The following MORF4L1 variants were observed in gnomAD, a reference collection of about 807,000 sequenced individuals.
The protein encoded by MORF4L1 is mortality factor 4 like 1.
A neutral mutation model predicts 52.9 loss-of-function variants in MORF4L1; 4 were observed. The observed-to-expected ratio is 0.08, with a 90% CI of 0.04 to 0.17. MORF4L1 has a LOEUF of 0.17. Among genes scored for constraint, MORF4L1 ranks in the 10% least tolerant of loss-of-function variants. MORF4L1 has a pLI of 1.00. For missense variants in MORF4L1, 214 were observed against 390.4 expected (o/e 0.55, Z 3.81); for synonymous variants, 123 against 134.8 (o/e 0.91, Z 0.61).
intron 9 of MORF4L1, 117 bp downstream of exon 9, chr15:78,893,744 A>G: frequency 1.4e-6 from 1 of 711,716 alleles, no homozygotes; most frequent in Non-Finnish European, 2.3e-6. Context: ...CTAGCAAAAT[A>G]GAATTTCACT....
At position 78,894,883 on chromosome 15, in the gene MORF4L1, A is replaced by T. The variant is rs186560594; in HGVS notation, c.866A>T (p.Asn289Ile). 5.0e-6 allele frequency: 8 copies of T among 1,613,026 alleles called. No homozygotes were observed. The highest frequency in any genetic ancestry group is 6.8e-6 in the Non-Finnish European group (8 of 1,179,134). Residue 289 changes from asparagine to isoleucine, a missense_variant, in exon 11 of 12, where the codon AAT (asparagine) becomes ATT (isoleucine). By Grantham distance (149) the Asn-to-Ile change is moderately radical. This residue lies in a region of MORF4L1 where 68 missense variants were observed against 171.6 expected (regional missense o/e 0.40). Transcript: ENST00000426013. ...GAGAAGAGCCTTGCTTTATTACTCA[A>T]TTATCTTCACGATTTCCTAAAGTAA... ...LDEKSLALLL[N>I]YLHDFLKYLA...
rs1369956206 is a variant in MORF4L1 at position 78,872,920 on chromosome 15, G to T, written c.-98G>T. On this transcript the variant is annotated 5_prime_UTR_variant, in exon 1 of 12. Coordinates refer to ENST00000426013, the MANE Select transcript of MORF4L1 (RefSeq NM_006791.4). ...CGGCCCAGGATGTAGAGCTGGCAGT[G>T]CCTGACGGCGCGTCTGACGCGGAGT... is the stretch of plus-strand genomic sequence containing the variant. The T allele has an allele frequency of 2.7e-6, 4 of 1,506,930 alleles. No individual in the cohort carries two copies. The highest frequency in any genetic ancestry group is 3.5e-6 in the Non-Finnish European group (4 of 1,128,594). The allele number at this position is 1,506,930 out of a possible 1,614,324, so 93.3% of individuals were successfully genotyped here.
At chr15:78,878,897 G>A (rs56272008) in intron 2 of MORF4L1, among the ~76,000 whole-genome samples, 2 of 152,108 alleles carry the variant, frequency 1.3e-5, no homozygotes, top group African/African-American at 2.4e-5. Context: ...AAATGAGCCC[G>A]TAAAATACAA....
At chr15:78,896,308 C>CTTTTTT (rs71148578) in intron 11 of MORF4L1, among the ~76,000 whole-genome samples, 137 of 81,418 alleles carry the variant, frequency 1.7e-3, no homozygotes, top group Non-Finnish European at 2.2e-3. Flanking sequence ...CTTTTCTTTT[C>CTTTTTT]TTTTTTTTTT....
intron 3 of MORF4L1, among the ~76,000 whole-genome samples, chr15:78,881,208 T>TTTTTTG (rs5813941): frequency 6.8e-6 from 1 of 147,470 alleles, no homozygotes; most frequent in Non-Finnish European, 1.5e-5. Flanking sequence ...TTTTTTTTTT[T>TTTTTTG]GAGAGATGGA....
At chr15:78,887,158 A>G (rs2056720598) in intron 4 of MORF4L1, 111 bp from the exon 5 acceptor site, 2 of 879,318 alleles carry the variant, frequency 2.3e-6, no homozygotes, top group Admixed American at 2.6e-5. Flanking sequence ...CCAACTTGTT[A>G]AAAACTTGTT....
chr15:78,890,892 TTAG>T, intron 5 of MORF4L1, 94 bp from the exon 6 acceptor site: 1 of 1,158,312 alleles, frequency 8.6e-7, no homozygotes, highest in Non-Finnish European at 1.1e-6. Flanking sequence ...TTTATCCAAG[TTAG>T]TATTTCTCTG....
chr15:78,886,255 A>T, intron 4 of MORF4L1, 28 bp downstream of exon 4: 1 of 1,541,332 alleles, frequency 6.5e-7, no homozygotes, highest in Non-Finnish European at 9.0e-7. Context: ...ACTGAATATT[A>T]AGGAGAAATG....
intron 3 of MORF4L1, among the ~76,000 whole-genome samples, chr15:78,881,385 C>CG (rs2056601125): frequency 6.6e-6 from 1 of 151,698 alleles, no homozygotes; most frequent in African/African-American, 2.4e-5. Flanking sequence ...TTAGTAGAGA[C>CG]GGAGTTTCAC....
chr15:78,879,966 A>G (rs1324041698), intron 2 of MORF4L1, among the ~76,000 whole-genome samples: 1 of 152,220 alleles, frequency 6.6e-6, no homozygotes, highest in African/African-American at 2.4e-5. Context: ...TTTCTCTTAA[A>G]GACTTTTAAA....
At chr15:78,882,806 T>G (rs564098508) in intron 3 of MORF4L1, among the ~76,000 whole-genome samples, 122 of 100,548 alleles carry the variant, frequency 1.2e-3, no homozygotes, top group African/African-American at 4.6e-3. Flanking sequence ...GCCAGTATGG[T>G]GGTGCCTATA....
intron 2 of MORF4L1, among the ~76,000 whole-genome samples, chr15:78,879,792 TATGTC>T (rs893168623): frequency 2.7e-5 from 4 of 149,740 alleles, no homozygotes; most frequent in Non-Finnish European, 4.4e-5. Flanking sequence ...AAAAAAAAAT[TATGTC>T]CTGTTAATCG....
chr15:78,873,140 G>T (rs1253457818), intron 1 of MORF4L1, 83 bp downstream of exon 1: 5 of 1,544,102 alleles, frequency 3.2e-6, no homozygotes, highest in Non-Finnish European at 4.4e-6. Context: ...TTGAGGGCCG[G>T]GGGCGGCGCG....
chr15:78,891,121 T>C (rs1306673079), intron 6 of MORF4L1, 107 bp downstream of exon 6: 7 of 1,270,268 alleles, frequency 5.5e-6, no homozygotes, highest in Non-Finnish European at 6.6e-6. Flanking sequence ...TTATTGATTA[T>C]CTCAAATAGG....
At position 78,894,800 on chromosome 15, in the gene MORF4L1, A is replaced by G. The variant is rs1276447251; in HGVS notation, c.803-20A>G. On this transcript the variant is annotated intron_variant, in intron 10 of 11. Transcript: ENST00000426013. ...CCCTGCCTTGGATGTAACTTTGGATAAATTCTCTTGTTTAAACAGTACGAA... is the reference window on the plus strand; with the variant it reads ...CCCTGCCTTGGATGTAACTTTGGATGAATTCTCTTGTTTAAACAGTACGAA... 3 of 1,588,312 alleles carry G rather than the reference A, an allele frequency of 1.9e-6. No homozygotes were observed. The highest frequency in any genetic ancestry group is 1.3e-5 in the African/African-American group (1 of 74,448).
chr15:78,877,994 C>T (rs999642418), intron 1 of MORF4L1: 33 of 442,102 alleles, frequency 7.5e-5, no homozygotes, highest in Non-Finnish European at 1.2e-4. Context: ...AGTAGATTGA[C>T]CTGCTAATGA....
intron 4 of MORF4L1, 68 bp from the exon 5 acceptor site, chr15:78,887,200 TC>T: frequency 7.5e-7 from 1 of 1,333,456 alleles, no homozygotes; most frequent in Non-Finnish European, 1.1e-6. Context: ...CCTAATGGAA[TC>T]AGGCTGACAA....
intron 5 of MORF4L1, among the ~76,000 whole-genome samples, chr15:78,888,464 T>C (rs1329599643): frequency 6.6e-6 from 1 of 151,588 alleles, no homozygotes; most frequent in Non-Finnish European, 1.5e-5. Context: ...AAAAAAAAAG[T>C]TGATGTACCT....
chr15:78,876,161 C>T (rs991926879), intron 1 of MORF4L1, among the ~76,000 whole-genome samples: 4 of 151,936 alleles, frequency 2.6e-5, no homozygotes, highest in Admixed American at 2.0e-4. Context: ...TGGTCTCGAT[C>T]TCCTGACCTC....
Sources: gnomAD v4.1 joint callset for allele counts (sites outside exome capture counted in the v4.1 genomes callset) on GRCh38, gnomAD v4.1.1 for gene constraint, gnomAD v4.1.1 regional missense constraint, MANE v1.5 for transcripts, NCBI Gene and HGNC (gene_info 2026-07-23, HGNC 2026-07-21) for gene names.